The following TFDP2 variants were observed in gnomAD, a reference collection of about 807,000 sequenced individuals.
The protein encoded by TFDP2 is transcription factor Dp-2.
Under a neutral mutation model 59.3 loss-of-function variants are expected in TFDP2, and 17 were observed. The ratio of observed to expected loss-of-function variants is 0.29; its 90% confidence interval spans 0.20 to 0.43. The LOEUF (loss-of-function observed/expected upper bound fraction) is 0.43. TFDP2 is among the 20% of genes least tolerant of loss of function. The pLI, the probability that TFDP2 is intolerant of heterozygous loss-of-function variation, is 1.00. For missense variants in TFDP2, 391 were observed against 528.8 expected (o/e 0.74, Z 2.56); for synonymous variants, 180 against 194.7 (o/e 0.92, Z 0.63).
At chr3:142,014,335 G>A (rs1383678365) in intron 3 of TFDP2, among the ~76,000 whole-genome samples, 1 of 151,782 alleles carries the variant, frequency 6.6e-6, no homozygotes, top group East Asian at 1.9e-4. Context: ...TTTTTTGTAG[G>A]GAGGGGGTCT....
At chr3:142,087,087 G>A (rs11713062) in intron 3 of TFDP2, among the ~76,000 whole-genome samples, 12,983 of 152,242 alleles carry the variant, frequency 0.085, 694 homozygotes, top group Middle Eastern at 0.14. Context: ...TCAGGGCAGC[G>A]ATCAAATGAT....
chr3:142,094,495 G>C lies in TFDP2; in HGVS notation c.16-1368C>G, dbSNP rs566590154. Among the ~76,000 whole-genome samples the C allele has an allele frequency of 2.6e-5, 4 of 151,782 alleles. No homozygotes were observed. The East Asian group carries it at 7.8e-4, about 30-fold the overall frequency. On this transcript the variant is annotated intron_variant, in intron 2 of 12. Transcript: ENST00000489671. ...AATTTTTGTATTTTTAGTAGAGAAG[G>C]GGTTTCACCATGTTGGCCAGGCTGG...
intron 1 of TFDP2, among the ~76,000 whole-genome samples, chr3:142,148,486 C>T (rs1433242948): frequency 2.0e-5 from 3 of 152,140 alleles, no homozygotes; most frequent in Non-Finnish European, 4.4e-5. Context: ...ATACATTAGT[C>T]CATTCACTCC....
At chr3:142,132,818 AG>A (rs1283737487) in intron 1 of TFDP2, among the ~76,000 whole-genome samples, 1 of 149,070 alleles carries the variant, frequency 6.7e-6, no homozygotes, top group Non-Finnish European at 1.5e-5. Flanking sequence ...AAACCGTATG[AG>A]GAAAATGTTA....
In TFDP2 at chr3:142,041,507, T is replaced by C. The variant is rs547591879; in HGVS notation, c.83-35963A>G. ...TCTGCACACGCTCTCTTGCCTGCCA[T>C]CATGTAAGACGTGACTTTGTTCCTC... On this transcript the variant is annotated intron_variant, in intron 3 of 12. Coordinates refer to ENST00000489671, the MANE Select transcript of TFDP2 (RefSeq NM_001178139.2). Among the ~76,000 whole-genome samples the C allele has an allele frequency of 3.3e-5, 5 of 152,222 alleles. No individual in the cohort carries two copies. In the East Asian group the frequency reaches 7.7e-4, roughly 23 times the overall value.
At position 142,047,489 on chromosome 3, in the gene TFDP2, C is replaced by T. The variant is rs545507458; in HGVS notation, c.83-41945G>A. Among the ~76,000 whole-genome samples, 203 of 152,142 alleles carry T rather than the reference C, an allele frequency of 1.3e-3. 1 individual carries two copies. The highest frequency in any genetic ancestry group is 4.4e-3 in the African/African-American group (184 of 41,528). Reference sequence around the variant, plus strand: ...CTAGCAAACAACTTTGTACAGTCCACCCCCTGTCCCCCTATTTTGCCTTTC... The same window carrying T: ...CTAGCAAACAACTTTGTACAGTCCATCCCCTGTCCCCCTATTTTGCCTTTC... On this transcript the variant is annotated intron_variant, in intron 3 of 12. Coordinates refer to ENST00000489671, the MANE Select transcript of TFDP2 (RefSeq NM_001178139.2).
At chr3:142,104,359 T>C (rs920816750) in intron 1 of TFDP2, among the ~76,000 whole-genome samples, 4 of 152,194 alleles carry the variant, frequency 2.6e-5, no homozygotes, top group Non-Finnish European at 4.4e-5. Flanking sequence ...ATGTTAAGTA[T>C]TGCATTTTGA....
At position 141,992,392 on chromosome 3, in the gene TFDP2, T is replaced by G. The variant is rs141725949; in HGVS notation, c.356+1146A>C. Among the ~76,000 whole-genome samples the G allele has an allele frequency of 2.3e-3, 351 of 152,334 alleles. 5 individuals carry two copies. Among genetic ancestry groups the G allele is most frequent in the African/African-American group, 7.9e-3 (330 of 41,574 alleles). ...GTTCTCACTTATAGATCTTTAGAAT[T>G]CTTACTTACAAAGGAGAATAAAGAG... On this transcript the variant is annotated intron_variant, in intron 6 of 12. Transcript: ENST00000489671.
At chr3:142,079,219 C>T (rs34262349) in intron 3 of TFDP2, among the ~76,000 whole-genome samples, 12,950 of 152,066 alleles carry the variant, frequency 0.085, 696 homozygotes, top group Middle Eastern at 0.14. Context: ...AGTAGAATGG[C>T]TTGAACCCGG....
At chr3:141,970,889 C>T (rs1939624767) in intron 8 of TFDP2, among the ~76,000 whole-genome samples, 1 of 151,776 alleles carries the variant, frequency 6.6e-6, no homozygotes, top group Non-Finnish European at 1.5e-5. Flanking sequence ...TGGCGAAACC[C>T]TATCTCTACA....
At chr3:141,968,285 CAATATATATAATATAT>C (rs1938473314) in intron 9 of TFDP2, among the ~76,000 whole-genome samples, 1 of 119,686 alleles carries the variant, frequency 8.4e-6, no homozygotes, top group Non-Finnish European at 1.7e-5. Flanking sequence ...TAATATATAA[CAATATATATAATATAT>C]AATATATATA....
chr3:141,984,365 C>T (rs926982965), intron 6 of TFDP2, among the ~76,000 whole-genome samples: 24 of 152,016 alleles, frequency 1.6e-4, no homozygotes, highest in African/African-American at 2.7e-4. Context: ...GGTGTGGTGG[C>T]GCGTGCCTGT....
chr3:142,130,013 CTG>C, intron 1 of TFDP2, among the ~76,000 whole-genome samples: 1 of 152,114 alleles, frequency 6.6e-6, no homozygotes, highest in East Asian at 1.9e-4. Flanking sequence ...GGTACAGTCA[CTG>C]TGGAAAATAA....
intron 3 of TFDP2, among the ~76,000 whole-genome samples, chr3:142,045,788 CTT>C (rs953589461): frequency 7.2e-5 from 10 of 139,412 alleles, no homozygotes; most frequent in Non-Finnish European, 7.9e-5. Context: ...AATTTTTGTA[CTT>C]TTTTTTTTTT....
chr3:142,082,144 T>C (rs1204654480), intron 3 of TFDP2, among the ~76,000 whole-genome samples: 3 of 151,896 alleles, frequency 2.0e-5, no homozygotes, highest in Admixed American at 1.3e-4. Flanking sequence ...CTCACAGGAG[T>C]GCAAACCCTG....
chr3:141,953,006 T>C lies in TFDP2; in HGVS notation c.1062A>G (p.Thr354=). 1.2e-6 allele frequency: 2 copies of C among 1,613,034 alleles called. No homozygotes were observed. The highest frequency in any genetic ancestry group is 1.7e-6 in the Non-Finnish European group (2 of 1,179,392). Residue 354 remains threonine (T), a synonymous_variant, in exon 12 of 13, where the codon ACA becomes ACG. Coordinates refer to ENST00000489671, the MANE Select transcript of TFDP2 (RefSeq NM_001178139.2). ...ALEGYITDIS[T]GPSWLNQGLL... is the part of the protein sequence containing the mutation. The stretch of plus-strand genomic sequence containing the variant: ...GTCCCTGATTTAACCAAGAAGGTCC[T>C]GTGGAGATATCTAAAGGAAAAAATG...
Position 142,087,515 on chromosome 3 carries a change from T to G in TFDP2, c.82+5546A>C, listed in dbSNP as rs553858053. Among the ~76,000 whole-genome samples, 5 of 151,938 alleles carry G rather than the reference T, an allele frequency of 3.3e-5. No homozygotes were observed. The East Asian group carries it at 9.6e-4, about 29-fold the overall frequency. On this transcript the variant is annotated intron_variant, in intron 3 of 12. Coordinates refer to ENST00000489671, the MANE Select transcript of TFDP2 (RefSeq NM_001178139.2). ...ACATACTTCTTTTCTTTTTTTTTTT[T>G]TTTGAGACAGGGCCTCACTCTGTCA...
intron 3 of TFDP2, among the ~76,000 whole-genome samples, chr3:142,038,114 G>A (rs1006654143): frequency 6.6e-6 from 1 of 152,196 alleles, no homozygotes; most frequent in Non-Finnish European, 1.5e-5. Flanking sequence ...GCCAGGCGCA[G>A]TGGCACACGC....
At chr3:141,974,644 T>C (rs1187053218) in intron 7 of TFDP2, among the ~76,000 whole-genome samples, 2 of 152,076 alleles carry the variant, frequency 1.3e-5, no homozygotes, top group African/African-American at 4.8e-5. Context: ...TGACAACAAA[T>C]AGTATACATA....
Sources: allele counts gnomAD v4.1 joint callset (sites outside exome capture counted in the v4.1 genomes callset), GRCh38; gene constraint gnomAD v4.1.1; transcripts MANE v1.5; gene names NCBI Gene and HGNC (gene_info 2026-07-23, HGNC 2026-07-21).